Variants in RGS6 observed in about 807,000 individuals in gnomAD.
The protein encoded by RGS6 is regulator of G-protein signaling 6.
In RGS6, 30 loss-of-function variants were observed where a neutral mutation model predicts 78.5. That is an observed-to-expected ratio of 0.38 (90% CI 0.29 to 0.52). The LOEUF (loss-of-function observed/expected upper bound fraction) is 0.52. RGS6 is among the 20% of genes least tolerant of loss of function. The pLI, the probability that RGS6 is intolerant of heterozygous loss-of-function variation, is 0.85. For missense variants in RGS6, 495 were observed against 609.7 expected, an observed-to-expected ratio of 0.81 and a Z score of 1.98; for synonymous variants, 206 against 206.0, an observed-to-expected ratio of 1.00 and a Z score of 0.00.
At position 72,305,578 on chromosome 14, in the gene RGS6, A is replaced by G. The variant is rs534504088; in HGVS notation, c.85-46517A>G. ...TGTGATCAGTGTTGTTTATGTTGCT[A>G]TTATAATTGCTTTGGGGCACCATGA... On this transcript the variant is annotated intron_variant, in intron 2 of 17. Coordinates refer to ENST00000553525, the MANE Select transcript of RGS6 (RefSeq NM_001204424.2). Among the ~76,000 whole-genome samples, 12 of 152,286 alleles carry G rather than the reference A, an allele frequency of 7.9e-5. No homozygotes were observed. In the South Asian group the frequency reaches 2.5e-3, roughly 32 times the overall value.
At chr14:72,223,286 C>T (rs2047316205) in intron 2 of RGS6, among the ~76,000 whole-genome samples, 1 of 152,198 alleles carries the variant, frequency 6.6e-6, no homozygotes, top group Admixed American at 6.5e-5. Flanking sequence ...TGCAGGTTAA[C>T]TCCCTCTCTT....
At chr14:72,462,485 C>T (rs1049306135) in intron 6 of RGS6, among the ~76,000 whole-genome samples, 2 of 151,944 alleles carry the variant, frequency 1.3e-5, no homozygotes, top group Non-Finnish European at 2.9e-5. Context: ...ACAGAACCCA[C>T]CTAGTAGGGT....
chr14:72,189,735 T>A lies in RGS6; in HGVS notation c.85-162360T>A, dbSNP rs546960261. 2.0e-5 allele frequency among the ~76,000 whole-genome samples: 3 copies of A among 152,280 alleles called. No homozygotes were observed. The East Asian group carries it at 5.8e-4, about 29-fold the overall frequency. ...GCTGACTTGGGGCTGGATTTATGAG[T>A]GTCGTCACTCCCTTTGTATTTTCTT... On this transcript the variant is annotated intron_variant, in intron 2 of 17. Transcript: ENST00000553525.
At chr14:72,388,794 T>A (rs973124494) in intron 3 of RGS6, among the ~76,000 whole-genome samples, 1 of 152,174 alleles carries the variant, frequency 6.6e-6, no homozygotes, top group Non-Finnish European at 1.5e-5. Flanking sequence ...TTTACTTTAC[T>A]TCTTTGTGCT....
chr14:72,121,439 C>T (rs760610481), intron 2 of RGS6, among the ~76,000 whole-genome samples: 17 of 152,180 alleles, frequency 1.1e-4, no homozygotes, highest in Non-Finnish European at 2.1e-4. Flanking sequence ...TGAAGGAATG[C>T]CAACTGCCCA....
chr14:72,040,447 G>A (rs969294171), intron 2 of RGS6, among the ~76,000 whole-genome samples: 2 of 151,182 alleles, frequency 1.3e-5, no homozygotes, highest in African/African-American at 4.9e-5. Flanking sequence ...ACTTCCTTCT[G>A]GCGTATAAAC....
chr14:71,964,462 C>T (rs1204939884), intron 1 of RGS6, among the ~76,000 whole-genome samples: 1 of 152,024 alleles, frequency 6.6e-6, no homozygotes, highest in Non-Finnish European at 1.5e-5. Flanking sequence ...GCTGAGATCG[C>T]GTCATTGCAC....
chr14:72,327,492 T>C (rs1453179877), intron 2 of RGS6, among the ~76,000 whole-genome samples: 1 of 152,262 alleles, frequency 6.6e-6, no homozygotes, highest in Non-Finnish European at 1.5e-5. Context: ...TTAATTTTCT[T>C]GTCATACCTG....
At chr14:72,596,123 G>A in the RGS6 span, among the ~76,000 whole-genome samples, 50,929 of 151,872 alleles carry the variant, frequency 0.34, 9,933 homozygotes, top group Non-Finnish European at 0.44. Context: ...TTATCTTTCG[G>A]TTCTGAGGTT....
chr14:72,100,033 A>G (rs1323133699), intron 2 of RGS6, among the ~76,000 whole-genome samples: 1 of 152,082 alleles, frequency 6.6e-6, no homozygotes, highest in African/African-American at 2.4e-5. Flanking sequence ...CAGTAGTAAG[A>G]GTCAGGAAAA....
intron 3 of RGS6, among the ~76,000 whole-genome samples, chr14:72,411,793 T>C (rs1380026699): frequency 2.0e-5 from 3 of 152,238 alleles, no homozygotes; most frequent in Non-Finnish European, 2.9e-5. Flanking sequence ...TTGAATTTTG[T>C]CAAAGGCCTT....
At chr14:72,006,668 C>A (rs1403780541) in intron 2 of RGS6, among the ~76,000 whole-genome samples, 1 of 152,184 alleles carries the variant, frequency 6.6e-6, no homozygotes, top group Non-Finnish European at 1.5e-5. Flanking sequence ...CAAAACCGTC[C>A]GTCTAAATGG....
intron 2 of RGS6, among the ~76,000 whole-genome samples, chr14:72,004,450 AGAAT>A (rs1356731351): frequency 6.6e-6 from 1 of 152,230 alleles, no homozygotes; most frequent in African/African-American, 2.4e-5. Flanking sequence ...AGCAACTGAA[AGAAT>A]GAAAGTTAAA....
At chr14:72,421,718 C>T (rs1296696311) in intron 3 of RGS6, 1 of 152,232 alleles carries the variant, frequency 6.6e-6, no homozygotes, top group Non-Finnish European at 1.5e-5. Flanking sequence ...AAGTATTCAT[C>T]ACTGAGGTAT....
chr14:72,199,614 G>C (rs1203954533), intron 2 of RGS6, among the ~76,000 whole-genome samples: 2 of 152,196 alleles, frequency 1.3e-5, no homozygotes, highest in Non-Finnish European at 2.9e-5. Flanking sequence ...TTACTTGGGA[G>C]GAACTTGGTG....
chr14:72,289,329 T>TTCTC (rs3831615), intron 2 of RGS6, among the ~76,000 whole-genome samples: 4 of 147,314 alleles, frequency 2.7e-5, no homozygotes, highest in African/African-American at 5.0e-5. Context: ...TTTTCTTTCT[T>TTCTC]TCTCTCTCTC....
the RGS6 span, among the ~76,000 whole-genome samples, chr14:72,627,286 T>C: frequency 6.6e-6 from 1 of 152,136 alleles, no homozygotes; most frequent in African/African-American, 2.4e-5. Context: ...GGTTTTACTT[T>C]GTACATTTAG....
chr14:71,994,663 G>T (rs1378109685), intron 2 of RGS6, among the ~76,000 whole-genome samples: 1 of 151,900 alleles, frequency 6.6e-6, no homozygotes, highest in African/African-American at 2.4e-5. Flanking sequence ...ATCCAATTTG[G>T]CCGTCACACT....
chr14:72,230,466 G>C (rs536320481), intron 2 of RGS6, among the ~76,000 whole-genome samples: 1 of 152,152 alleles, frequency 6.6e-6, no homozygotes, highest in African/African-American at 2.4e-5. Flanking sequence ...ATGAGAGAGA[G>C]ATCACAAGGA....
Sources: gnomAD v4.1 joint callset for allele counts (sites outside exome capture counted in the v4.1 genomes callset) on GRCh38, gnomAD v4.1.1 for gene constraint, MANE v1.5 for transcripts, NCBI Gene and HGNC (gene_info 2026-07-23, HGNC 2026-07-21) for gene names.